Variants in CSMD3 observed in about 807,000 individuals in gnomAD.
The protein encoded by CSMD3 is CUB and Sushi multiple domains 3.
CSMD3 carries 177 observed loss-of-function variants against 435.2 expected under a neutral mutation model. The observed-to-expected ratio is 0.41, with a 90% CI of 0.36 to 0.46. The LOEUF (loss-of-function observed/expected upper bound fraction) is 0.46, where lower values mean the gene tolerates loss of function less well. Ranked by LOEUF, CSMD3 falls within the 20% of genes least tolerant of loss-of-function variation. The probability of loss-of-function intolerance (pLI) is 0.34; values close to 1 mark genes in which losing one functional copy is unlikely to be tolerated. For synonymous variants in CSMD3, 1,656 were observed against 1,520.5 expected (o/e 1.09, Z -2.07); for missense variants, 4,265 against 4,504.6 (o/e 0.95, Z 1.52).
intron 1 of CSMD3, chr8:113,376,794 A>C (rs747070650): frequency 6.2e-7 from 1 of 1,613,924 alleles, no homozygotes; most frequent in East Asian, 2.2e-5. Flanking sequence ...CCAACTCCAC[A>C]TTCAACCGGG....
intron 28 of CSMD3, among the ~76,000 whole-genome samples, chr8:112,511,353 GA>G (rs1216224988): frequency 5.3e-5 from 8 of 149,660 alleles, no homozygotes; most frequent in African/African-American, 2.5e-5. Context: ...GGTGGTTGTT[GA>G]AATCTGGGGT....
At chr8:112,573,361 T>C in intron 24 of CSMD3, 140 bp downstream of exon 24, 1 of 807,548 alleles carries the variant, frequency 1.2e-6, no homozygotes, top group Non-Finnish European at 2.1e-6. Flanking sequence ...GTTGTTAGGG[T>C]CAAATAAAAT....
chr8:112,835,566 C>G (rs576478520), intron 11 of CSMD3, among the ~76,000 whole-genome samples: 2 of 151,844 alleles, frequency 1.3e-5, no homozygotes, highest in South Asian at 4.1e-4. Context: ...ATGGTCAGAT[C>G]CTAGATTCCC....
At chr8:113,254,026 T>C (rs1315717294) in intron 3 of CSMD3, among the ~76,000 whole-genome samples, 2 of 152,158 alleles carry the variant, frequency 1.3e-5, no homozygotes, top group Non-Finnish European at 1.5e-5. Context: ...TGTCTTTCCA[T>C]GTTATTTACC....
intron 45 of CSMD3, among the ~76,000 whole-genome samples, chr8:112,327,117 AAC>A (rs1357639868): frequency 6.6e-6 from 1 of 152,196 alleles, no homozygotes; most frequent in African/African-American, 2.4e-5. Flanking sequence ...TGAGTTTAGC[AAC>A]ACACTGTATC....
chr8:112,799,820 A>T (rs1381087290), intron 13 of CSMD3, among the ~76,000 whole-genome samples: 1 of 151,956 alleles, frequency 6.6e-6, no homozygotes, highest in Non-Finnish European at 1.5e-5. Flanking sequence ...GTATTTAATA[A>T]TTAGTAGAAT....
intron 9 of CSMD3, among the ~76,000 whole-genome samples, chr8:112,935,984 G>A (rs1424468908): frequency 1.3e-5 from 2 of 151,972 alleles, no homozygotes; most frequent in African/African-American, 2.4e-5. Flanking sequence ...AATATGCCTT[G>A]GAATAAAATC....
chr8:113,311,074 T>C (rs902053572), intron 2 of CSMD3: 4 of 152,160 alleles, frequency 2.6e-5, no homozygotes, highest in South Asian at 2.1e-4. Flanking sequence ...TATCTGTCTC[T>C]GCCTCATTAA....
intron 59 of CSMD3, among the ~76,000 whole-genome samples, chr8:112,266,376 G>T (rs928082603): frequency 6.6e-6 from 1 of 152,194 alleles, no homozygotes; most frequent in African/African-American, 2.4e-5. Flanking sequence ...GCAACAGGTT[G>T]TCAGGAGCAA....
At chr8:113,280,873 C>G (rs1202745597) in intron 2 of CSMD3, among the ~76,000 whole-genome samples, 3 of 151,730 alleles carry the variant, frequency 2.0e-5, no homozygotes, top group Non-Finnish European at 4.4e-5. Flanking sequence ...TCATTCAGTT[C>G]GAAGAATTTG....
At chr8:113,182,419 AAC>A (rs1173294833) in intron 3 of CSMD3, among the ~76,000 whole-genome samples, 2 of 152,002 alleles carry the variant, frequency 1.3e-5, no homozygotes, top group Non-Finnish European at 2.9e-5. Context: ...CATATAAGGA[AAC>A]ACAGAATGTA....
At chr8:112,872,657 T>G (rs567431818) in intron 10 of CSMD3, among the ~76,000 whole-genome samples, 1 of 152,018 alleles carries the variant, frequency 6.6e-6, no homozygotes, top group Non-Finnish European at 1.5e-5. Flanking sequence ...CTTGTTTCTC[T>G]GAATCATCCC....
intron 11 of CSMD3, among the ~76,000 whole-genome samples, chr8:112,857,077 GTGTGAAAC>G (rs2129818420): frequency 6.6e-6 from 1 of 151,594 alleles, no homozygotes; most frequent in African/African-American, 2.4e-5. Context: ...TGTTTTATAT[GTGTGAAAC>G]TGTGGTGTGT....
intron 5 of CSMD3, among the ~76,000 whole-genome samples, chr8:113,055,451 T>C (rs1012896149): frequency 6.6e-6 from 1 of 152,214 alleles, no homozygotes; most frequent in African/African-American, 2.4e-5. Context: ...TGAGACTTAG[T>C]CATAGGAGAC....
At chr8:112,538,659 T>C (rs1826364308) in intron 27 of CSMD3, among the ~76,000 whole-genome samples, 1 of 152,102 alleles carries the variant, frequency 6.6e-6, no homozygotes, top group Admixed American at 6.6e-5. Flanking sequence ...GAAATCTCTC[T>C]ACAATGAAAT....
intron 9 of CSMD3, 72 bp downstream of exon 9, chr8:112,947,718 G>T: frequency 1.4e-6 from 1 of 719,826 alleles, no homozygotes. Context: ...TATATTATTA[G>T]CTACTTTAAA....
intron 3 of CSMD3, among the ~76,000 whole-genome samples, chr8:113,174,725 T>C (rs1447994624): frequency 6.6e-6 from 1 of 151,832 alleles, no homozygotes; most frequent in Non-Finnish European, 1.5e-5. Flanking sequence ...ATATTAGAGG[T>C]TATTTGTTCT....
chr8:112,906,786 A>G (rs1190352965), intron 10 of CSMD3, among the ~76,000 whole-genome samples: 1 of 151,520 alleles, frequency 6.6e-6, no homozygotes. Flanking sequence ...CTAAATTCAA[A>G]TTCTTTCACT....
intron 32 of CSMD3, among the ~76,000 whole-genome samples, chr8:112,414,778 G>A (rs901020942): frequency 1.4e-4 from 22 of 152,276 alleles, no homozygotes; most frequent in African/African-American, 4.8e-4. Context: ...CCAGACTGAG[G>A]TTTTCTCAGA....
Sources: allele counts gnomAD v4.1 joint callset (sites outside exome capture counted in the v4.1 genomes callset), GRCh38; gene constraint gnomAD v4.1.1; transcripts MANE v1.5; gene names NCBI Gene and HGNC (gene_info 2026-07-23, HGNC 2026-07-21).